BLK: variants seen among roughly 807,000 people sequenced by gnomAD.
The protein encoded by BLK is BLK proto-oncogene, Src family tyrosine kinase.
Under a neutral mutation model 61.8 loss-of-function variants are expected in BLK, and 64 were observed. The ratio of observed to expected loss-of-function variants is 1.03; its 90% CI spans 0.85 to 1.27. BLK has a LOEUF of 1.27. Among genes scored for constraint, BLK ranks in the 50% most tolerant of loss-of-function variants. The pLI is 0.00. For synonymous variants in BLK, 351 were observed against 272.0 expected (o/e 1.29, Z -2.86); for missense variants, 853 against 660.5 (o/e 1.29, Z -3.19).
chr8:11,555,076 C>G (rs1338986277), intron 7 of BLK, among the ~76,000 whole-genome samples, 187 bp downstream of exon 7: 1 of 152,188 alleles, frequency 6.6e-6, no homozygotes, highest in African/African-American at 2.4e-5. Context: ...TCTCCTGGCT[C>G]AGCAGGGAAC....
At chr8:11,533,613 G>T (rs1799988299) in intron 1 of BLK, among the ~76,000 whole-genome samples, 1 of 145,568 alleles carries the variant, frequency 6.9e-6, no homozygotes, top group African/African-American at 2.5e-5. Flanking sequence ...AGAAGGAGGA[G>T]GAGAGGAGTA....
intron 9 of BLK, 163 bp from the exon 10 acceptor site, chr8:11,557,799 C>T: frequency 1.5e-6 from 1 of 646,094 alleles, no homozygotes. Flanking sequence ...AAGTGGAAGG[C>T]ACTCGGCAGC....
In BLK at chr8:11,495,286, C is replaced by G. The variant is rs375994924; in HGVS notation, c.-2+695C>G. Among the ~76,000 whole-genome samples the G allele has an allele frequency of 6.0e-4, 91 of 151,452 alleles. 3 individuals carry two copies. The South Asian group carries it at 0.019, about 31-fold the overall frequency. On this transcript the variant is annotated intron_variant, in intron 1 of 12. Coordinates refer to ENST00000259089, the MANE Select transcript of BLK (RefSeq NM_001715.3). Reference sequence around the variant, plus strand: ...GTTCACCCTCATCCACCCACATTACCAAGGAACTAAGGAATTGTGCGTTTG... The same window carrying G: ...GTTCACCCTCATCCACCCACATTACGAAGGAACTAAGGAATTGTGCGTTTG...
intron 6 of BLK, chr8:11,553,554 G>A (rs1204288973): frequency 1.4e-5 from 3 of 219,264 alleles, no homozygotes; most frequent in Admixed American, 5.2e-5. Flanking sequence ...TGGGCTCATC[G>A]CCCGAGGCAC....
rs777866039 is a variant in BLK at position 11,555,367 on chromosome 8, C to T, written c.655C>T (p.Pro219Ser). ...GDGLCQRLTL[P>S]CVRPAPQNPW... ...TGGTCTATGCCAGAGGCTGACCCTG[C>T]CCTGTGTGCGCCCGGCCCCGCAGAA... Residue 219 changes from proline (P) to serine (S), a missense_variant, in exon 8 of 13, where the codon CCC becomes TCC. Pro to Ser is a moderately conservative substitution (Grantham distance 74, BLOSUM62 -1). Transcript: ENST00000259089. The T allele has an allele frequency of 1.1e-5, 18 of 1,614,118 alleles. No homozygotes were observed. In the South Asian group the frequency reaches 1.9e-4, roughly 17 times the overall value.
At chr8:11,554,327 C>T in intron 6 of BLK, 1 of 276,076 alleles carries the variant, frequency 3.6e-6, no homozygotes. Context: ...TGGCTATCTG[C>T]TTGTAGGAGT....
At chr8:11,556,955 A>G (rs776206621) in intron 9 of BLK, 118 bp downstream of exon 9, 2 of 608,650 alleles carry the variant, frequency 3.3e-6, no homozygotes, top group South Asian at 3.4e-5. Flanking sequence ...GATCTAGGGC[A>G]TGGCACGGTG....
intron 1 of BLK, 150 bp from the exon 2 acceptor site, chr8:11,543,074 T>C: frequency 9.9e-6 from 12 of 1,208,312 alleles, no homozygotes; most frequent in Admixed American, 2.1e-5. Context: ...CACCCGCTTC[T>C]ACCCACGTTC....
Position 11,554,733 on chromosome 8 carries a change from A to G in BLK, c.473-10A>G, listed in dbSNP as rs1477723830. ...CTTACTTCTCGTGTGTGTCTTCATGAACCCTCCAGGTGCCTTCTCCCTGTC... is the reference window on the plus strand; with the variant it reads ...CTTACTTCTCGTGTGTGTCTTCATGGACCCTCCAGGTGCCTTCTCCCTGTC... On this transcript the variant is annotated splice_polypyrimidine_tract_variant and intron_variant, in intron 6 of 12. Coordinates refer to ENST00000259089, the MANE Select transcript of BLK (RefSeq NM_001715.3). 1 of 1,612,750 alleles carries G rather than the reference A, an allele frequency of 6.2e-7. No homozygotes were observed. Among genetic ancestry groups the G allele is most frequent in the Non-Finnish European group, 8.5e-7 (1 of 1,180,002 alleles).
At chr8:11,502,369 T>A (rs999993134) in intron 1 of BLK, among the ~76,000 whole-genome samples, 2 of 152,134 alleles carry the variant, frequency 1.3e-5, no homozygotes, top group South Asian at 2.1e-4. Flanking sequence ...AGTGGCACGA[T>A]CTCTGGTCAC....
chr8:11,545,476 G>C lies in BLK; in HGVS notation c.124-576G>C, dbSNP rs542777141. ...AGGCACGAGAATTGCTTGAACTGAG[G>C]AGGCGGAGGTTGCAGTGATCCGAGA... is the stretch of plus-strand genomic sequence containing the variant. On this transcript the variant is annotated intron_variant, in intron 2 of 12. Transcript: ENST00000259089. 2.0e-5 allele frequency among the ~76,000 whole-genome samples: 3 copies of C among 152,272 alleles called. No individual in the cohort carries two copies. In the South Asian group the frequency reaches 6.2e-4, roughly 32 times the overall value.
Position 11,498,186 on chromosome 8 carries a change from C to T in BLK, c.-2+3595C>T, listed in dbSNP as rs1413278714. Among the ~76,000 whole-genome samples, 3 of 152,196 alleles carry T rather than the reference C, an allele frequency of 2.0e-5. No individual in the cohort carries two copies. The East Asian group carries it at 5.8e-4, about 29-fold the overall frequency. On this transcript the variant is annotated intron_variant, in intron 1 of 12. Coordinates refer to ENST00000259089, the MANE Select transcript of BLK (RefSeq NM_001715.3). ...ACCAGTGGGAGGCAAACAAGACACACCTGGGATGCAAAATGTAAGGAGGCT... is the reference window on the plus strand; with the variant it reads ...ACCAGTGGGAGGCAAACAAGACACATCTGGGATGCAAAATGTAAGGAGGCT...
chr8:11,521,346 A>C (rs1172537442), intron 1 of BLK, among the ~76,000 whole-genome samples: 1 of 152,200 alleles, frequency 6.6e-6, no homozygotes, highest in African/African-American at 2.4e-5. Context: ...GCTGGAGTGC[A>C]ATGGCACCAT....
At chr8:11,547,444 C>T (rs1433593715) in intron 3 of BLK, among the ~76,000 whole-genome samples, 1 of 152,184 alleles carries the variant, frequency 6.6e-6, no homozygotes, top group Admixed American at 6.5e-5. Context: ...GATGGTGCTC[C>T]AAGCTCCTGA....
chr8:11,532,040 G>T (rs992385991), intron 1 of BLK, among the ~76,000 whole-genome samples: 2 of 151,972 alleles, frequency 1.3e-5, no homozygotes, highest in Non-Finnish European at 2.9e-5. Flanking sequence ...TGCATTTTTA[G>T]TAGAGATGGG....
chr8:11,555,490 T>C lies in BLK; in HGVS notation c.772+6T>C, dbSNP rs754679320. The C allele has an allele frequency of 3.7e-6, 6 of 1,613,872 alleles. No individual in the cohort carries two copies. Among genetic ancestry groups the C allele is most frequent in the Admixed American group, 1.7e-5 (1 of 59,994 alleles). The stretch of plus-strand genomic sequence containing the variant: ...ATTCGGCGAAGTCTGGATGGGTGAG[T>C]GTGTGCACACGTGGGAGCATTTCTC... On this transcript the variant is annotated splice_donor_region_variant and intron_variant, in intron 8 of 12. Coordinates refer to ENST00000259089, the MANE Select transcript of BLK (RefSeq NM_001715.3).
rs549533680 is a variant in BLK, at chr8:11,522,554, T to C, written c.-1-20670T>C. Among the ~76,000 whole-genome samples, 6 of 152,274 alleles carry C rather than the reference T, an allele frequency of 3.9e-5. No individual in the cohort carries two copies. The South Asian group carries it at 1.0e-3, about 26-fold the overall frequency. On this transcript the variant is annotated intron_variant, in intron 1 of 12. Transcript: ENST00000259089. ...TGTTGTTCAGAGAAACTCTCACATA[T>C]GTGCAAAACAGGGAATGTATGAGGT...
In BLK at chr8:11,550,533, G is replaced by A. The variant is rs73195288; in HGVS notation, c.472+271G>A. On this transcript the variant is annotated intron_variant, in intron 6 of 12. Coordinates refer to ENST00000259089, the MANE Select transcript of BLK (RefSeq NM_001715.3). ...CCAGACTGGCCCTGCTGCCCAGTCA[G>A]CAGGAACACCGAGGCCAGTGGGGGC... Among the ~76,000 whole-genome samples the A allele has an allele frequency of 0.12, 18,732 of 152,320 alleles. 1,256 individuals are homozygous for A. Among genetic ancestry groups the A allele is most frequent in the South Asian group, 0.2 (956 of 4,830 alleles).
intron 1 of BLK, among the ~76,000 whole-genome samples, chr8:11,525,648 G>A (rs551003696): frequency 6.6e-6 from 1 of 152,260 alleles, no homozygotes; most frequent in Non-Finnish European, 1.5e-5. Context: ...AATTTAAACA[G>A]TCAGAAAAGG....
Sources: gnomAD v4.1 joint callset for allele counts (sites outside exome capture counted in the v4.1 genomes callset) on GRCh38, gnomAD v4.1.1 for gene constraint, MANE v1.5 for transcripts, NCBI Gene and HGNC (gene_info 2026-07-23, HGNC 2026-07-21) for gene names.